The following TM7SF3 variants were observed in gnomAD, a reference collection of about 807,000 sequenced individuals.
The protein encoded by TM7SF3 is transmembrane 7 superfamily member 3, also known as seven span transmembrane protein.
A neutral mutation model predicts 65.5 loss-of-function variants in TM7SF3; 60 were observed. The ratio of observed to expected loss-of-function variants is 0.92; its 90% confidence interval spans 0.74 to 1.14. The LOEUF is 1.14. TM7SF3 is among the 50% of genes most tolerant of loss of function. The pLI is 0.00. For missense variants in TM7SF3, 623 were observed against 684.8 expected (o/e 0.91, Z 1.01); for synonymous variants, 264 against 259.6 (o/e 1.02, Z -0.16).
chr12:26,985,349 T>C (rs1939999373), intron 6 of TM7SF3, among the ~76,000 whole-genome samples: 1 of 151,296 alleles, frequency 6.6e-6, no homozygotes, highest in Non-Finnish European at 1.5e-5. Flanking sequence ...ATACAAAAAT[T>C]AGTCAGGCAA....
chr12:26,997,743 G>A (rs913225303), intron 3 of TM7SF3, among the ~76,000 whole-genome samples: 3 of 151,218 alleles, frequency 2.0e-5, no homozygotes, highest in South Asian at 2.1e-4. Flanking sequence ...AAGGGCCACC[G>A]CTGACTCCTA....
At position 26,999,589 on chromosome 12, in the gene TM7SF3, A is replaced by G. The variant is rs758657445; in HGVS notation, c.334T>C (p.Leu112=). Residue 112 remains leucine, a synonymous_variant, in exon 3 of 12, where the codon TTG becomes CTG. Transcript: ENST00000343028. Reference sequence around the variant, plus strand: ...ACAGGCTGTATGCCTGAAGTCCCCAAGTACCAAGTGCATGTACTCTGCTCT... The same window carrying G: ...ACAGGCTGTATGCCTGAAGTCCCCAGGTACCAAGTGCATGTACTCTGCTCT... ...RPEQSTCTWY[L]GTSGIQPVQN... 9.9e-6 allele frequency: 16 copies of G among 1,614,168 alleles called. No homozygotes were observed. Among genetic ancestry groups the G allele is most frequent in the South Asian group, 2.2e-5 (2 of 91,086 alleles).
At chr12:26,987,019 T>C (rs190703549) in intron 6 of TM7SF3, among the ~76,000 whole-genome samples, 1 of 152,284 alleles carries the variant, frequency 6.6e-6, no homozygotes, top group East Asian at 1.9e-4. Flanking sequence ...CTCTAAACAT[T>C]GGAGCACCCA....
intron 1 of TM7SF3, among the ~76,000 whole-genome samples, chr12:27,004,330 C>A (rs2136445138): frequency 6.6e-6 from 1 of 152,232 alleles, no homozygotes; most frequent in Middle Eastern, 3.4e-3. Flanking sequence ...AGAAAAGATC[C>A]CAAGTTTCAC....
intron 2 of TM7SF3, chr12:26,999,909 A>C (rs1290494110): frequency 2.2e-6 from 1 of 452,090 alleles, no homozygotes; most frequent in East Asian, 3.5e-5. Flanking sequence ...CTGCTATAAC[A>C]AAGTACCACA....
intron 2 of TM7SF3, 135 bp from the exon 3 acceptor site, chr12:26,999,811 G>C: frequency 1.2e-6 from 1 of 857,192 alleles, no homozygotes; most frequent in East Asian, 2.6e-5. Context: ...TAAATAACCA[G>C]GGAATTCTTT....
chr12:27,007,435 C>T (rs920606308), intron 1 of TM7SF3, among the ~76,000 whole-genome samples: 2 of 151,836 alleles, frequency 1.3e-5, no homozygotes, highest in Admixed American at 1.3e-4. Context: ...TTCTTTATTT[C>T]TTAAATTTCT....
intron 2 of TM7SF3, 150 bp from the exon 3 acceptor site, chr12:26,999,826 C>T: frequency 2.7e-6 from 2 of 731,192 alleles, no homozygotes; most frequent in Non-Finnish European, 4.3e-6. Context: ...TTCTTTTCAT[C>T]TCTATGTTCA....
intron 6 of TM7SF3, among the ~76,000 whole-genome samples, chr12:26,988,961 T>A (rs770088047): frequency 1.9e-4 from 29 of 152,200 alleles, no homozygotes; most frequent in Non-Finnish European, 3.5e-4. Flanking sequence ...GAATAGTAAA[T>A]ATACTTTCTC....
chr12:26,977,773 TG>T (rs1939632360), intron 9 of TM7SF3, among the ~76,000 whole-genome samples: 1 of 149,982 alleles, frequency 6.7e-6, no homozygotes, highest in African/African-American at 2.5e-5. Flanking sequence ...ATAATGTGTG[TG>T]TGTGTGTGTG....
chr12:26,990,485 C>T lies in TM7SF3; in HGVS notation c.833G>A (p.Ser278Asn). ...ACAACTACCCTCTCCTGCCTCAAAGCTGCAAGCGTATGTGTGAGCAGGAAT... is the reference window on the plus strand; with the variant it reads ...ACAACTACCCTCTCCTGCCTCAAAGTTGCAAGCGTATGTGTGAGCAGGAAT... ...AYIPAHTYAC[S>N]FEAGEGSCAS... The change falls in exon 6 of 12, where the codon AGC becomes AAC. Residue 278 changes from serine to asparagine, a missense_variant. By Grantham distance (46) the Ser-to-Asn change is conservative. Transcript: ENST00000343028. 1.2e-6 allele frequency: 2 copies of T among 1,613,988 alleles called. No individual in the cohort carries two copies. Among genetic ancestry groups the T allele is most frequent in the South Asian group, 1.1e-5 (1 of 91,068 alleles).
At chr12:26,976,474 T>C (rs1565864971) in intron 9 of TM7SF3, 117 bp from the exon 10 acceptor site, 1 of 658,676 alleles carries the variant, frequency 1.5e-6, no homozygotes, top group Non-Finnish European at 2.7e-6. Flanking sequence ...CCAGGGAATA[T>C]GTTGGCAACT....
intron 1 of TM7SF3, among the ~76,000 whole-genome samples, chr12:27,008,440 CAG>C (rs796212212): frequency 1.4e-4 from 22 of 152,240 alleles, no homozygotes; most frequent in African/African-American, 5.3e-4. Context: ...AGTATTCTGA[CAG>C]ATACGTTGCG....
intron 1 of TM7SF3, among the ~76,000 whole-genome samples, chr12:27,004,031 G>A (rs965794415): frequency 6.6e-6 from 1 of 152,140 alleles, no homozygotes; most frequent in South Asian, 2.1e-4. Flanking sequence ...GAGAGCTTTT[G>A]TTTGCTTAAG....
chr12:27,003,236 C>T lies in TM7SF3; in HGVS notation c.246G>A (p.Pro82=), dbSNP rs751674880. The change falls in exon 2 of 12, where the codon CCG becomes CCA. Residue 82 remains proline (P), a splice_region_variant and synonymous_variant. Coordinates refer to ENST00000343028, the MANE Select transcript of TM7SF3 (RefSeq NM_016551.3). ...TACTAAAATAATTCTTTGCACTTAC[C>T]GGAGAAAAGGAAACAGTTGTATTCT... The part of the protein sequence containing the change: ...QYQNTTVSFS[P]TLLSNSSETG... The T allele has an allele frequency of 1.4e-5, 23 of 1,599,538 alleles. 1 individual carries two copies. The East Asian group carries it at 1.8e-4, about 12-fold the overall frequency.
intron 5 of TM7SF3, among the ~76,000 whole-genome samples, 161 bp from the exon 6 acceptor site, chr12:26,990,788 A>G (rs1940321453): frequency 6.6e-6 from 1 of 152,236 alleles, no homozygotes; most frequent in Non-Finnish European, 1.5e-5. Flanking sequence ...GCCATCTTAC[A>G]TGGTTTGTAT....
intron 1 of TM7SF3, among the ~76,000 whole-genome samples, chr12:27,004,676 C>T (rs1940963810): frequency 6.6e-6 from 1 of 151,834 alleles, no homozygotes; most frequent in African/African-American, 2.4e-5. Flanking sequence ...AAAAAAGACA[C>T]AAATAGTGTT....
intron 6 of TM7SF3, among the ~76,000 whole-genome samples, chr12:26,989,537 G>T (rs1940251825): frequency 6.6e-6 from 1 of 151,940 alleles, no homozygotes; most frequent in Non-Finnish European, 1.5e-5. Context: ...TATAGAGAGA[G>T]AAGAAGAGAG....
intron 1 of TM7SF3, among the ~76,000 whole-genome samples, chr12:27,007,956 T>G (rs1296688931): frequency 2.0e-5 from 3 of 152,224 alleles, no homozygotes; most frequent in African/African-American, 7.2e-5. Context: ...ATGCCACAAT[T>G]ATCTGTTCTA....
Sources: allele counts gnomAD v4.1 joint callset (sites outside exome capture counted in the v4.1 genomes callset), GRCh38; gene constraint gnomAD v4.1.1; transcripts MANE v1.5; gene names NCBI Gene and HGNC (gene_info 2026-07-23, HGNC 2026-07-21).